The following NOC3L variants were observed in gnomAD, a reference collection of about 807,000 sequenced individuals.
NOC3L encodes NOC3 like DNA replication regulator.
NOC3L carries 85 observed loss-of-function variants against 102.5 expected under a neutral mutation model. The ratio of observed to expected loss-of-function variants is 0.83; its 90% CI spans 0.70 to 0.99. NOC3L has a LOEUF of 0.99. Among genes scored for constraint, NOC3L ranks in the 50% least tolerant of loss-of-function variants. The pLI, the probability that NOC3L is intolerant of heterozygous loss-of-function variation, is 0.00. For synonymous variants in NOC3L, 303 were observed against 309.4 expected (o/e 0.98, Z 0.22); for missense variants, 878 against 914.9 (o/e 0.96, Z 0.52).
At chr10:94,346,340 A>G (rs2054342550) in intron 11 of NOC3L, 85 bp downstream of exon 11, 1 of 1,039,608 alleles carries the variant, frequency 9.6e-7, no homozygotes, top group South Asian at 1.9e-5. Context: ...TGATTTAACT[A>G]TGATTTTTAC....
intron 2 of NOC3L, among the ~76,000 whole-genome samples, chr10:94,358,702 G>A (rs1282421774): frequency 1.3e-5 from 2 of 151,950 alleles, no homozygotes; most frequent in Non-Finnish European, 2.9e-5. Flanking sequence ...CCCTCTCTCT[G>A]ACCACAAGCT....
At chr10:94,341,193 A>G (rs1046059344) in intron 14 of NOC3L, among the ~76,000 whole-genome samples, 23 of 151,922 alleles carry the variant, frequency 1.5e-4, no homozygotes, top group African/African-American at 5.5e-4. Flanking sequence ...AAAAAGACCT[A>G]TAAAGGTTAT....
At chr10:94,341,784 C>T in intron 13 of NOC3L, 39 bp from the exon 14 acceptor site, 1 of 1,195,884 alleles carries the variant, frequency 8.4e-7, no homozygotes, top group Non-Finnish European at 1.2e-6. Flanking sequence ...GAACTAAAAG[C>T]AGAAATAAAG....
intron 1 of NOC3L, 42 bp downstream of exon 1, chr10:94,362,788 G>T: frequency 6.2e-7 from 1 of 1,612,568 alleles, no homozygotes; most frequent in East Asian, 2.2e-5. Context: ...ATCACCCGAA[G>T]GGGCCCTAGG....
chr10:94,349,417 A>G, intron 9 of NOC3L, 39 bp from the exon 10 acceptor site: 2 of 1,544,902 alleles, frequency 1.3e-6, no homozygotes, highest in Non-Finnish European at 1.7e-6. Flanking sequence ...GTGTTTCTCA[A>G]CCTTAGCACT....
At chr10:94,352,839 C>G (rs1475165105) in intron 7 of NOC3L, 57 bp downstream of exon 7, 3 of 1,482,798 alleles carry the variant, frequency 2.0e-6, no homozygotes, top group Non-Finnish European at 2.8e-6. Flanking sequence ...AAAAGTCTAT[C>G]TCTCCAAAAT....
chr10:94,341,631 T>C (rs746654615), intron 14 of NOC3L, 42 bp downstream of exon 14: 1 of 1,072,132 alleles, frequency 9.3e-7, no homozygotes, highest in South Asian at 1.9e-5. Context: ...AAAATAGTAA[T>C]TACCATTTAT....
chr10:94,358,627 C>T (rs1403273207), intron 2 of NOC3L, among the ~76,000 whole-genome samples: 1 of 152,198 alleles, frequency 6.6e-6, no homozygotes. Flanking sequence ...TCTCCAATTA[C>T]TTTCACTTCG....
rs76288667 is a variant in NOC3L, at chr10:94,362,902, C to T, written c.-64G>A. The T allele has an allele frequency of 0.023, 37,868 of 1,613,374 alleles. 540 individuals are homozygous for T. The highest frequency in any genetic ancestry group is 0.048 in the African/African-American group (3,583 of 75,022). ...CAGAAGCAGGGTTACTACAGAAATC[C>T]CGGGGAATGACACACGTGCCGAAGT... On this transcript the variant is annotated 5_prime_UTR_variant, in exon 1 of 21. Coordinates refer to ENST00000371361, the MANE Select transcript of NOC3L (RefSeq NM_022451.11).
At chr10:94,319,933 G>C in the NOC3L span, among the ~76,000 whole-genome samples, 2 of 143,746 alleles carry the variant, frequency 1.4e-5, no homozygotes, top group African/African-American at 5.2e-5. Context: ...GCAGTGGCGC[G>C]ATCTCAGCTC....
At chr10:94,325,658 C>A in the NOC3L span, 2 of 151,736 alleles carry the variant, frequency 1.3e-5, no homozygotes, top group African/African-American at 4.8e-5. Flanking sequence ...AATTTTAGAC[C>A]CCTTATTTAT....
chr10:94,337,157 CTT>C (rs2054229066), intron 19 of NOC3L, among the ~76,000 whole-genome samples: 2 of 151,856 alleles, frequency 1.3e-5, no homozygotes, highest in South Asian at 4.1e-4. Flanking sequence ...AAAGAAGACT[CTT>C]TTAGGAGGAC....
At chr10:94,323,611 T>G in the NOC3L span, among the ~76,000 whole-genome samples, 8 of 152,182 alleles carry the variant, frequency 5.3e-5, no homozygotes, top group African/African-American at 1.9e-4. Flanking sequence ...GAAGGTTAAG[T>G]ATATGTAAGA....
intron 8 of NOC3L, among the ~76,000 whole-genome samples, chr10:94,351,236 C>T (rs1019728797): frequency 2.6e-5 from 4 of 151,386 alleles, no homozygotes; most frequent in African/African-American, 9.7e-5. Flanking sequence ...ATACTACCCA[C>T]CCCCACCCCA....
In NOC3L at chr10:94,344,574, G is replaced by A. The variant is rs894214796; in HGVS notation, c.1471-59C>T. Reference sequence around the variant, plus strand: ...TAACCTGGTATGCTTTCTCCTGAGTGAGCATAAGTATCACTTCAACAGGTT... The same window carrying A: ...TAACCTGGTATGCTTTCTCCTGAGTAAGCATAAGTATCACTTCAACAGGTT... On this transcript the variant is annotated intron_variant, in intron 12 of 20. Coordinates refer to ENST00000371361, the MANE Select transcript of NOC3L (RefSeq NM_022451.11). The A allele has an allele frequency of 4.8e-5, 56 of 1,172,664 alleles. No homozygotes were observed. The Admixed American group carries it at 8.8e-4, about 19-fold the overall frequency. The allele number at this position is 1,172,664 out of a possible 1,614,324, so 72.6% of individuals were successfully genotyped here.
chr10:94,319,225 A>T, the NOC3L span, among the ~76,000 whole-genome samples: 2 of 152,178 alleles, frequency 1.3e-5, no homozygotes, highest in African/African-American at 4.8e-5. Context: ...TTTGTTAGGA[A>T]ATTTTTGAAA....
At chr10:94,345,131 G>A (rs962484866) in intron 11 of NOC3L, among the ~76,000 whole-genome samples, 198 bp from the exon 12 acceptor site, 2 of 152,084 alleles carry the variant, frequency 1.3e-5, no homozygotes, top group African/African-American at 4.8e-5. Context: ...TGGGAAGAAG[G>A]TAGAAGAATG....
chr10:94,340,439 C>A lies in NOC3L; in HGVS notation c.1702G>T (p.Gly568Ter). The A allele has an allele frequency of 6.3e-7, 1 of 1,592,926 alleles. No homozygotes were observed. Among genetic ancestry groups the A allele is most frequent in the Non-Finnish European group, 8.5e-7 (1 of 1,172,016 alleles). The part of the protein sequence containing the change: ...CVQTAFHILS[G>*]QGDVLNIDPL... ...GATTAAGAAAATATCATACCTTGTC[C>A]AGAAAGAATATGAAAAGCAGTCTGG... Residue 568 changes from glycine to a stop codon, truncating the protein, a stop_gained, in exon 15 of 21, where the codon GGA becomes TGA. Transcript: ENST00000371361. LOFTEE classifies it high-confidence loss of function.
At chr10:94,352,805 G>A (rs1232404702) in intron 7 of NOC3L, 91 bp downstream of exon 7, 3 of 1,108,274 alleles carry the variant, frequency 2.7e-6, no homozygotes, top group Non-Finnish European at 3.9e-6. Context: ...CTGGGCGACA[G>A]AGTAAAACTC....
Sources: gnomAD v4.1 joint callset for allele counts (sites outside exome capture counted in the v4.1 genomes callset) on GRCh38, gnomAD v4.1.1 for gene constraint, MANE v1.5 for transcripts, NCBI Gene and HGNC (gene_info 2026-07-23, HGNC 2026-07-21) for gene names.